Variants in LRP6 observed in about 807,000 individuals in gnomAD.
The protein encoded by LRP6 is LDL receptor related protein 6.
Under a neutral mutation model 184.1 loss-of-function variants are expected in LRP6, and 43 were observed. The ratio of observed to expected loss-of-function variants is 0.23; its 90% confidence interval spans 0.18 to 0.30. The LOEUF (loss-of-function observed/expected upper bound fraction) is 0.30. Among genes scored for constraint, LRP6 ranks in the 10% least tolerant of loss-of-function variants. The pLI, the probability that LRP6 is intolerant of heterozygous loss-of-function variation, is 1.00. For missense variants in LRP6, 1,571 were observed against 2,005.3 expected (o/e 0.78, Z 4.14); for synonymous variants, 719 against 684.9 (o/e 1.05, Z -0.78).
At chr12:12,134,464 C>T (rs914817487) in intron 17 of LRP6, among the ~76,000 whole-genome samples, 1 of 152,092 alleles carries the variant, frequency 6.6e-6, no homozygotes, top group Admixed American at 6.5e-5. Context: ...GTGCCTGATA[C>T]CATCATACTA....
chr12:12,253,931 C>T (rs1865393766), intron 1 of LRP6, among the ~76,000 whole-genome samples: 2 of 151,720 alleles, frequency 1.3e-5, no homozygotes, highest in Admixed American at 1.3e-4. Context: ...ATCACTGGAG[C>T]CCAAGAGTTC....
chr12:12,232,065 A>G (rs1864805449), intron 2 of LRP6, among the ~76,000 whole-genome samples: 1 of 151,998 alleles, frequency 6.6e-6, no homozygotes, highest in Admixed American at 6.6e-5. Context: ...TGTGCAATTT[A>G]CTGTATATAA....
At chr12:12,130,968 GC>G in intron 18 of LRP6, 75 bp from the exon 19 acceptor site, 1 of 807,172 alleles carries the variant, frequency 1.2e-6, no homozygotes, top group Non-Finnish European at 2.2e-6. Flanking sequence ...ATCAAAAGGT[GC>G]CTTCTGAACA....
At chr12:12,198,278 T>C (rs1031685401) in intron 3 of LRP6, among the ~76,000 whole-genome samples, 7 of 152,204 alleles carry the variant, frequency 4.6e-5, no homozygotes, top group African/African-American at 1.7e-4. Context: ...TCCCTTGCTT[T>C]GCTTTTCTTT....
Position 12,244,349 on chromosome 12 carries a change from A to G in LRP6, c.362T>C (p.Val121Ala), listed in dbSNP as rs1278013119. The G allele has an allele frequency of 1.2e-6, 2 of 1,614,088 alleles. No homozygotes were observed. Among genetic ancestry groups the G allele is most frequent in the African/African-American group, 2.7e-5 (2 of 74,934 alleles). Residue 121 changes from valine (V) to alanine (A), a missense_variant, in exon 2 of 23, where the codon GTT becomes GCT. This residue lies in a region of LRP6 where 640 missense variants were observed against 851.9 expected (regional missense o/e 0.75). Coordinates refer to ENST00000261349, the MANE Select transcript of LRP6 (RefSeq NM_002336.3). ...TCGTAAAGATCCATCTAAATTAGAA[A>G]CTTCAATCCGATTAGTTTCAGAATC... The part of the protein sequence containing the change: ...WTDSETNRIE[V>A]SNLDGSLRKV...
intron 2 of LRP6, among the ~76,000 whole-genome samples, chr12:12,229,929 T>C (rs1040754802): frequency 1.3e-5 from 2 of 152,230 alleles, no homozygotes; most frequent in African/African-American, 4.8e-5. Flanking sequence ...TAAATAAATA[T>C]ATGTGGTCAC....
At chr12:12,246,428 C>T (rs942938510) in intron 1 of LRP6, among the ~76,000 whole-genome samples, 3 of 151,860 alleles carry the variant, frequency 2.0e-5, no homozygotes, top group Admixed American at 2.0e-4. Context: ...AAAAGTAAGA[C>T]CAAGCCAGGC....
intron 15 of LRP6, among the ~76,000 whole-genome samples, chr12:12,139,729 AAAAG>A (rs1225490086): frequency 1.3e-5 from 2 of 152,166 alleles, no homozygotes; most frequent in Non-Finnish European, 2.9e-5. Flanking sequence ...CAGGAAAAAA[AAAAG>A]AAAGAAAGAA....
intron 12 of LRP6, 33 bp downstream of exon 12, chr12:12,158,796 T>C: frequency 6.2e-7 from 1 of 1,603,796 alleles, no homozygotes. Flanking sequence ...CTTTCTCTCA[T>C]TCTAGCTTGC....
At position 12,151,763 on chromosome 12, in the gene LRP6, G is replaced by A. The variant is rs556581471; in HGVS notation, c.2792-725C>T. On this transcript the variant is annotated intron_variant, in intron 12 of 22. Coordinates refer to ENST00000261349, the MANE Select transcript of LRP6 (RefSeq NM_002336.3). ...TCGCCATGTTGCCCAAGCTGGTCTC[G>A]AACTCCTGGGCTCAAGCAATCCTCC... Among the ~76,000 whole-genome samples the A allele has an allele frequency of 1.1e-4, 17 of 152,064 alleles. No individual in the cohort carries two copies. The South Asian group carries it at 3.1e-3, about 28-fold the overall frequency.
At chr12:12,247,122 A>G (rs1472329449) in intron 1 of LRP6, among the ~76,000 whole-genome samples, 2 of 152,208 alleles carry the variant, frequency 1.3e-5, no homozygotes, top group African/African-American at 4.8e-5. Context: ...GTCCCCACAG[A>G]GCCCACTATA....
At chr12:12,149,998 T>C (rs1014750869) in intron 13 of LRP6, among the ~76,000 whole-genome samples, 1 of 152,148 alleles carries the variant, frequency 6.6e-6, no homozygotes, top group South Asian at 2.1e-4. Context: ...CAGCCCTAAA[T>C]ATATTACCTC....
chr12:12,137,764 A>AGACC (rs1949864933), intron 16 of LRP6, among the ~76,000 whole-genome samples: 1 of 152,154 alleles, frequency 6.6e-6, no homozygotes, highest in Non-Finnish European at 1.5e-5. Flanking sequence ...GTACCAGGAA[A>AGACC]TATTCTTTTT....
chr12:12,142,708 A>G (rs1372749739), intron 15 of LRP6, among the ~76,000 whole-genome samples: 7 of 152,210 alleles, frequency 4.6e-5, no homozygotes, highest in Non-Finnish European at 4.4e-5. Flanking sequence ...CGTAGATTAA[A>G]AAAAATCTCA....
chr12:12,194,635 G>A (rs2137022021), intron 3 of LRP6, among the ~76,000 whole-genome samples: 1 of 152,080 alleles, frequency 6.6e-6, no homozygotes, highest in African/African-American at 2.4e-5. Flanking sequence ...ACATATTTGT[G>A]GGGTACACAG....
rs76108508 is a variant in LRP6 at position 12,260,079 on chromosome 12, C to T, written c.55+6602G>A. ...CACCTAAAATAGTTATGGCTGCAATCCTTTAGAAATAAATTTAGGCCAGGC... is the reference window on the plus strand; with the variant it reads ...CACCTAAAATAGTTATGGCTGCAATTCTTTAGAAATAAATTTAGGCCAGGC... On this transcript the variant is annotated intron_variant, in intron 1 of 22. Transcript: ENST00000261349. 1.1e-3 allele frequency among the ~76,000 whole-genome samples: 169 copies of T among 152,178 alleles called. 1 individual carries two copies. The highest frequency in any genetic ancestry group is 3.4e-3 in the Middle Eastern group (1 of 294).
intron 2 of LRP6, among the ~76,000 whole-genome samples, chr12:12,236,125 G>T (rs1417858882): frequency 6.6e-6 from 1 of 152,114 alleles, no homozygotes; most frequent in Non-Finnish European, 1.5e-5. Context: ...CACTCGGGAG[G>T]CTGAGGCAGG....
chr12:12,243,402 C>A (rs1359710208), intron 2 of LRP6, among the ~76,000 whole-genome samples: 2 of 151,750 alleles, frequency 1.3e-5, no homozygotes, highest in South Asian at 4.2e-4. Context: ...CAGAGTGTAA[C>A]AAAAAAACAC....
intron 1 of LRP6, among the ~76,000 whole-genome samples, chr12:12,258,827 T>C (rs886163396): frequency 1.1e-4 from 16 of 152,224 alleles, no homozygotes; most frequent in Non-Finnish European, 2.1e-4. Context: ...CTCCTATCCC[T>C]TGCAGTCCTT....
Sources: allele counts gnomAD v4.1 joint callset (sites outside exome capture counted in the v4.1 genomes callset), GRCh38; gene constraint gnomAD v4.1.1; regional missense constraint gnomAD v4.1.1; transcripts MANE v1.5; gene names NCBI Gene and HGNC (gene_info 2026-07-23, HGNC 2026-07-21).